The following TSHZ2 variants were observed in gnomAD, a reference collection of about 807,000 sequenced individuals.
TSHZ2 encodes the protein teashirt zinc finger homeobox 2, also known as teashirt homolog 2.
A neutral mutation model predicts 74.4 loss-of-function variants in TSHZ2; 21 were observed. The observed-to-expected ratio is 0.28, with a 90% CI of 0.20 to 0.41. The LOEUF is 0.41. TSHZ2 is among the 10% of genes least tolerant of loss of function. The pLI, the probability that TSHZ2 is intolerant of heterozygous loss-of-function variation, is 1.00. For synonymous variants in TSHZ2, 540 were observed against 515.3 expected (o/e 1.05, Z -0.65); for missense variants, 1,244 against 1,293.5 (o/e 0.96, Z 0.59).
At chr20:53,427,999 T>A (rs1210302444) in intron 2 of TSHZ2, among the ~76,000 whole-genome samples, 1 of 152,206 alleles carries the variant, frequency 6.6e-6, no homozygotes, top group Non-Finnish European at 1.5e-5. Context: ...CCAAATTATC[T>A]GATTTGGCAC....
At chr20:52,978,574 T>A (rs922713955) in intron 1 of TSHZ2, among the ~76,000 whole-genome samples, 1 of 152,202 alleles carries the variant, frequency 6.6e-6, no homozygotes, top group African/African-American at 2.4e-5. Flanking sequence ...GGAGTATCAT[T>A]TTCGTTTGAT....
Position 53,254,646 on chromosome 20 carries a change from C to T in TSHZ2, c.1188C>T (p.Thr396=). 2 of 1,614,154 alleles carry T rather than the reference C, an allele frequency of 1.2e-6. No individual in the cohort carries two copies. The highest frequency in any genetic ancestry group is 1.7e-6 in the Non-Finnish European group (2 of 1,180,020). Residue 396 remains threonine, a synonymous_variant, in exon 2 of 3, where the codon ACC becomes ACT. Transcript: ENST00000371497. ...CCCATGACACCTTGCAGCAGCTCAC[C>T]ACCCACATGATGGTCACAGGTCACT... ...GSSHDTLQQL[T]THMMVTGHFL...
chr20:53,188,365 A>G (rs1401613111), intron 1 of TSHZ2, among the ~76,000 whole-genome samples: 1 of 152,196 alleles, frequency 6.6e-6, no homozygotes, highest in Non-Finnish European at 1.5e-5. Flanking sequence ...AGAAAAGTTC[A>G]CCAGGTTTTC....
intron 1 of TSHZ2, among the ~76,000 whole-genome samples, chr20:53,038,904 G>A (rs369842262): frequency 1.4e-5 from 2 of 139,034 alleles, no homozygotes; most frequent in African/African-American, 3.2e-5. Flanking sequence ...TTGTTTGTTT[G>A]TTTGTTTTTG....
At chr20:53,323,110 G>A (rs1469261134) in intron 2 of TSHZ2, among the ~76,000 whole-genome samples, 2 of 152,190 alleles carry the variant, frequency 1.3e-5, no homozygotes, top group Non-Finnish European at 2.9e-5. Flanking sequence ...ATCTTGATAT[G>A]GAAAAAGCAT....
At chr20:53,469,770 AAGGG>A (rs137860267) in intron 2 of TSHZ2, among the ~76,000 whole-genome samples, 17,592 of 52,078 alleles carry the variant, frequency 0.34, 3,191 homozygotes, top group East Asian at 0.54. Context: ...GAGAGGGAGG[AAGGG>A]AGGGAGGGAG....
intron 1 of TSHZ2, among the ~76,000 whole-genome samples, chr20:53,071,809 T>C (rs1985183890): frequency 6.6e-6 from 1 of 152,208 alleles, no homozygotes; most frequent in African/African-American, 2.4e-5. Flanking sequence ...TGGAGAGTAG[T>C]ACTGTGTGTA....
At chr20:53,099,977 A>G (rs981720235) in intron 1 of TSHZ2, among the ~76,000 whole-genome samples, 1 of 152,166 alleles carries the variant, frequency 6.6e-6, no homozygotes, top group Non-Finnish European at 1.5e-5. Flanking sequence ...TGAAGGGGGA[A>G]TGGAAGGAAT....
At chr20:53,003,861 TTCTTTCCTTC>T (rs1600640580) in intron 1 of TSHZ2, among the ~76,000 whole-genome samples, 3 of 152,186 alleles carry the variant, frequency 2.0e-5, no homozygotes, top group South Asian at 2.1e-4. Context: ...AAGCAATTCT[TTCTTTCCTTC>T]TCTTTCCTTC....
At chr20:52,994,391 CGGATGGAT>C (rs796839747) in intron 1 of TSHZ2, among the ~76,000 whole-genome samples, 2 of 150,558 alleles carry the variant, frequency 1.3e-5, no homozygotes, top group Non-Finnish European at 3.0e-5. Flanking sequence ...GATGGATAAA[CGGATGGAT>C]GGATGGATGG....
At chr20:52,980,795 G>T (rs534206125) in intron 1 of TSHZ2, among the ~76,000 whole-genome samples, 1 of 152,256 alleles carries the variant, frequency 6.6e-6, no homozygotes, top group South Asian at 2.1e-4. Flanking sequence ...GAGGGTCAAG[G>T]TCTTCTATAG....
At chr20:53,323,563 C>CTTTTTTTTTTTTTTTTTTTTTTTTTTTGT (rs1979363881) in intron 2 of TSHZ2, among the ~76,000 whole-genome samples, 1 of 36,662 alleles carries the variant, frequency 2.7e-5, no homozygotes, top group Non-Finnish European at 4.6e-5. Flanking sequence ...CCTTGGAGGG[C>CTTTTTTTTTTTTTTTTTTTTTTTTTTTGT]TTTTTTTTTT....
intron 1 of TSHZ2, among the ~76,000 whole-genome samples, chr20:53,088,641 A>AT (rs1210870792): frequency 1.3e-5 from 2 of 152,168 alleles, no homozygotes; most frequent in Non-Finnish European, 2.9e-5. Context: ...CTAAATGGAG[A>AT]TTTGATGGCT....
chr20:53,445,323 G>A (rs1471229459), intron 2 of TSHZ2, among the ~76,000 whole-genome samples: 3 of 152,216 alleles, frequency 2.0e-5, no homozygotes, highest in Non-Finnish European at 4.4e-5. Flanking sequence ...AGTGCCTACA[G>A]TGGACAGGAA....
At chr20:53,040,433 T>G (rs1262207897) in intron 1 of TSHZ2, among the ~76,000 whole-genome samples, 1 of 152,070 alleles carries the variant, frequency 6.6e-6, no homozygotes, top group African/African-American at 2.4e-5. Context: ...TGGTGTCAAA[T>G]GCAATGGGAG....
intron 1 of TSHZ2, among the ~76,000 whole-genome samples, chr20:53,224,870 AG>A (rs1350629811): frequency 6.6e-6 from 1 of 150,674 alleles, no homozygotes; most frequent in African/African-American, 2.5e-5. Flanking sequence ...AAAAAAAAAA[AG>A]AACTTAATAA....
At chr20:53,195,437 G>T (rs1988840093) in intron 1 of TSHZ2, among the ~76,000 whole-genome samples, 1 of 152,154 alleles carries the variant, frequency 6.6e-6, no homozygotes, top group South Asian at 2.1e-4. Flanking sequence ...TAAATAAAGT[G>T]AAGGTTTGTA....
intron 1 of TSHZ2, among the ~76,000 whole-genome samples, chr20:53,062,173 T>G (rs763341554): frequency 2.0e-5 from 3 of 152,200 alleles, no homozygotes; most frequent in Non-Finnish European, 4.4e-5. Flanking sequence ...CCAGTTAACC[T>G]CTCTGATTTT....
chr20:53,178,309 G>A (rs1053543191), intron 1 of TSHZ2: 3 of 152,190 alleles, frequency 2.0e-5, no homozygotes, highest in Non-Finnish European at 4.4e-5. Context: ...CTGTAGAAAG[G>A]CAGCACAGCC....
Sources: allele counts gnomAD v4.1 joint callset (sites outside exome capture counted in the v4.1 genomes callset), GRCh38; gene constraint gnomAD v4.1.1; transcripts MANE v1.5; gene names NCBI Gene and HGNC (gene_info 2026-07-23, HGNC 2026-07-21).